Variants in RRAGD observed in about 807,000 individuals in gnomAD.
RRAGD encodes Ras related GTP binding D.
In RRAGD, 12 loss-of-function variants were observed where a neutral mutation model predicts 35.5. That is an observed-to-expected ratio of 0.34 (90% CI 0.22 to 0.55). RRAGD has a LOEUF of 0.55. Among genes scored for constraint, RRAGD ranks in the 20% least tolerant of loss-of-function variants. The probability of loss-of-function intolerance (pLI) is 0.91; values close to 1 mark genes in which losing one functional copy is unlikely to be tolerated. For synonymous variants in RRAGD, 155 were observed against 178.9 expected, an observed-to-expected ratio of 0.87 and a Z score of 1.07; for missense variants, 324 against 490.1, an observed-to-expected ratio of 0.66 and a Z score of 3.20.
chr6:89,372,614 G>A, intron 5 of RRAGD, 29 bp from the exon 6 acceptor site: 1 of 1,502,472 alleles, frequency 6.7e-7, no homozygotes, highest in South Asian at 1.4e-5. Flanking sequence ...CAAAACATGT[G>A]ACCATTGAGA....
chr6:89,364,967 C>CTA lies in RRAGD; in HGVS notation c.*3087_*3088dup, dbSNP rs1318625795. ...TGTACTGCTTAAAGTAAAACATGGA[C>CTA]TATACCTGATTACAAATTACATCCA... On this transcript the variant is annotated 3_prime_UTR_variant, in exon 7 of 7. Coordinates refer to ENST00000369415, the MANE Select transcript of RRAGD (RefSeq NM_021244.5). 2.0e-5 allele frequency: 3 copies of CTA among 152,198 alleles called. No individual in the cohort carries two copies. Among genetic ancestry groups the CTA allele is most frequent in the African/African-American group, 7.2e-5 (3 of 41,450 alleles). The allele number at this position is 152,198 out of a possible 1,614,324, so 9.4% of individuals were successfully genotyped here.
Position 89,411,855 on chromosome 6 carries a change from C to A in RRAGD, c.139G>T (p.Glu47Ter), listed in dbSNP as rs866290845. ...SSDADPDSGTEEGVLDFSDPF... is the reference protein window; with the variant it reads ...SSDADPDSGT ...GGGGCCGGGCGCTCACCTCCCTCCTCTGTGCCGCTGTCCGGATCGGCGTCG... is the reference window on the plus strand; with the variant it reads ...GGGGCCGGGCGCTCACCTCCCTCCTATGTGCCGCTGTCCGGATCGGCGTCG... The change falls in exon 1 of 7, where the codon GAG becomes TAG. Residue 47 changes from glutamate (E) to a stop codon, truncating the protein, a stop_gained. Transcript: ENST00000369415. LOFTEE classifies it high-confidence loss of function. This position sits in a 1 kb window ranked among gnomAD's most constrained non-coding sequence, Gnocchi z 5.6. 1 of 1,552,044 alleles carries A rather than the reference C, an allele frequency of 6.4e-7. No individual in the cohort carries two copies. The highest frequency in any genetic ancestry group is 8.7e-7 in the Non-Finnish European group (1 of 1,151,374).
In RRAGD at chr6:89,364,618, A is replaced by C. The variant is rs1768705991; in HGVS notation, c.*3438T>G. On this transcript the variant is annotated 3_prime_UTR_variant, in exon 7 of 7. Coordinates refer to ENST00000369415, the MANE Select transcript of RRAGD (RefSeq NM_021244.5). ...AAAATGTGGAGATGTAAGAGAGTTTAAAAATAAAAGCATAAATTAAATTTA... is the reference window on the plus strand; with the variant it reads ...AAAATGTGGAGATGTAAGAGAGTTTCAAAATAAAAGCATAAATTAAATTTA... The C allele has an allele frequency of 6.6e-6, 1 of 152,230 alleles. No homozygotes were observed. Among genetic ancestry groups the C allele is most frequent in the Non-Finnish European group, 1.5e-5 (1 of 68,038 alleles). 9.4% of individuals were successfully genotyped at this position (152,230 alleles called of 1,614,324 possible). A position where few individuals can be genotyped will look rare whatever the true frequency, so the allele number is the denominator to read the frequency against.
At position 89,365,768 on chromosome 6, in the gene RRAGD, C is replaced by T. The variant is rs1768731163; in HGVS notation, c.*2288G>A. On this transcript the variant is annotated 3_prime_UTR_variant, in exon 7 of 7. Transcript: ENST00000369415. ...TAACAAAAACCCATCATATACCCAG[C>T]TTAAACATGGAAGCTCCAACCTGGT... 1 of 152,190 alleles carries T rather than the reference C, an allele frequency of 6.6e-6. No individual in the cohort carries two copies. Among genetic ancestry groups the T allele is most frequent in the Non-Finnish European group, 1.5e-5 (1 of 68,026 alleles). The allele number at this position is 152,190 out of a possible 1,614,324, so 9.4% of individuals were successfully genotyped here.
chr6:89,386,227 C>T (rs1239175255), intron 2 of RRAGD, among the ~76,000 whole-genome samples: 2 of 152,194 alleles, frequency 1.3e-5, no homozygotes, highest in Admixed American at 1.3e-4. Flanking sequence ...CTAAGAGCCC[C>T]AGACATGGAT....
chr6:89,411,478 T>G lies in RRAGD; in HGVS notation c.148+368A>C. 4.4e-6 allele frequency: 1 copy of G among 229,070 alleles called. No individual in the cohort carries two copies. Among genetic ancestry groups the G allele is most frequent in the Non-Finnish European group, 8.7e-6 (1 of 114,692 alleles). The allele number at this position is 229,070 out of a possible 1,614,324, so 14.2% of individuals were successfully genotyped here. A position where few individuals can be genotyped will look rare whatever the true frequency, so the allele number is the denominator to read the frequency against. ...CAACAGCACCGTTCTGGGAGAGAGG[T>G]CCCAGGGCGCGCCCGCGGTCCCCTC... On this transcript the variant is annotated intron_variant, in intron 1 of 6. Transcript: ENST00000369415. This position sits in a 1 kb window ranked among gnomAD's most constrained non-coding sequence, Gnocchi z 5.6.
At chr6:89,398,415 C>A (rs530441620) in intron 1 of RRAGD, among the ~76,000 whole-genome samples, 1 of 152,308 alleles carries the variant, frequency 6.6e-6, no homozygotes, top group African/African-American at 2.4e-5. Context: ...GCTCTGCTAT[C>A]ACATCCCAAA....
rs181163108 is a variant in RRAGD, at chr6:89,405,972, G to C, written c.148+5874C>G. On this transcript the variant is annotated intron_variant, in intron 1 of 6. Transcript: ENST00000369415. ...TATGCAAAAATCACGAAGATTCACT[G>C]TCCATTTGATTAACTACTTAGTAAG... Among the ~76,000 whole-genome samples the C allele has an allele frequency of 1.3e-3, 201 of 152,260 alleles. 2 individuals are homozygous for C. The highest frequency in any genetic ancestry group is 4.5e-3 in the African/African-American group (187 of 41,528).
At chr6:89,395,146 C>T (rs983869409) in intron 1 of RRAGD, among the ~76,000 whole-genome samples, 9 of 152,168 alleles carry the variant, frequency 5.9e-5, no homozygotes, top group Non-Finnish European at 1.0e-4. Context: ...GTAGTCACAG[C>T]TACTTGGAAG....
At chr6:89,376,026 T>C (rs1171095030) in intron 5 of RRAGD, among the ~76,000 whole-genome samples, 1 of 152,244 alleles carries the variant, frequency 6.6e-6, no homozygotes, top group Non-Finnish European at 1.5e-5. Flanking sequence ...TTGATTACCA[T>C]GGCAATCTGC....
At position 89,380,385 on chromosome 6, in the gene RRAGD, G is replaced by C. The variant is rs1180507375; in HGVS notation, c.445-18C>G. 2 of 1,609,962 alleles carry C rather than the reference G, an allele frequency of 1.2e-6. No homozygotes were observed. The highest frequency in any genetic ancestry group is 4.5e-5 in the East Asian group (2 of 44,782). On this transcript the variant is annotated intron_variant, in intron 2 of 6. Transcript: ENST00000369415. Reference sequence around the variant, plus strand: ...TAATCATCCTAGGACCAAAGGCAACGCCTGTGAGAGAAGGCCGCTTTGCTT... The same window carrying C: ...TAATCATCCTAGGACCAAAGGCAACCCCTGTGAGAGAAGGCCGCTTTGCTT...
chr6:89,411,925 A>ATCCTCC lies in RRAGD; in HGVS notation c.63_68dup (p.Glu21_Glu22dup), dbSNP rs760147769. 1.8e-5 allele frequency: 27 copies of ATCCTCC among 1,540,412 alleles called. No individual in the cohort carries two copies. The highest frequency in any genetic ancestry group is 5.9e-5 in the Admixed American group (3 of 51,036). ...CGTAGTCCGCTAGCCCCACCAGCTC[A>ATCCTCC]TCCTCCTCCTCCTCCTCCTCCGCGT... On this transcript the variant is annotated inframe_insertion, in exon 1 of 7. Coordinates refer to ENST00000369415, the MANE Select transcript of RRAGD (RefSeq NM_021244.5). This position sits in a 1 kb window ranked among gnomAD's most constrained non-coding sequence, Gnocchi z 5.6.
intron 1 of RRAGD, among the ~76,000 whole-genome samples, chr6:89,393,880 G>A (rs1769283316): frequency 6.6e-6 from 1 of 152,116 alleles, no homozygotes; most frequent in African/African-American, 2.4e-5. Context: ...TTATGAAAAA[G>A]GGGTATATAG....
At position 89,411,800 on chromosome 6, in the gene RRAGD, G is replaced by T. The variant is rs1301937545; in HGVS notation, c.148+46C>A. ...GGGCTGGGGGCGGGAAGGCGCCAAG[G>T]GGAGGAAAGGGGCGCGAGCCGAGGA... On this transcript the variant is annotated intron_variant, in intron 1 of 6. Transcript: ENST00000369415. This position sits in a 1 kb window ranked among gnomAD's most constrained non-coding sequence, Gnocchi z 5.6. 7 of 1,523,152 alleles carry T rather than the reference G, an allele frequency of 4.6e-6. No individual in the cohort carries two copies. The highest frequency in any genetic ancestry group is 2.8e-5 in the African/African-American group (2 of 71,718). The allele number at this position is 1,523,152 out of a possible 1,614,324, so 94.4% of individuals were successfully genotyped here. A position where few individuals can be genotyped will look rare whatever the true frequency, so the allele number is the denominator to read the frequency against.
intron 1 of RRAGD, among the ~76,000 whole-genome samples, chr6:89,400,743 C>T (rs544562552): frequency 6.6e-6 from 1 of 152,258 alleles, no homozygotes; most frequent in African/African-American, 2.4e-5. Context: ...GCTTTCTCCA[C>T]CAACACCTCC....
chr6:89,389,957 T>C (rs1243829520), intron 1 of RRAGD, among the ~76,000 whole-genome samples: 13 of 152,238 alleles, frequency 8.5e-5, no homozygotes, highest in Admixed American at 8.5e-4. Context: ...CAAATGGTGC[T>C]GGGCCAACTG....
chr6:89,373,132 A>C (rs1391537968), intron 5 of RRAGD, among the ~76,000 whole-genome samples: 1 of 152,214 alleles, frequency 6.6e-6, no homozygotes, highest in Non-Finnish European at 1.5e-5. Context: ...AACTGGTTCA[A>C]TTTACTCTCA....
rs1768748085 is a variant in RRAGD, at chr6:89,366,461, G to A, written c.*1595C>T. ...GTGGAAGGATCCCTTGAGCCCAAGA[G>A]GTAACAGTGAGCTATGATTGTACCA... On this transcript the variant is annotated 3_prime_UTR_variant, in exon 7 of 7. Coordinates refer to ENST00000369415, the MANE Select transcript of RRAGD (RefSeq NM_021244.5). 6.6e-6 allele frequency: 1 copy of A among 150,678 alleles called. No individual in the cohort carries two copies. Among genetic ancestry groups the A allele is most frequent in the Non-Finnish European group, 1.5e-5 (1 of 67,936 alleles). The allele number at this position is 150,678 out of a possible 1,614,324, so 9.3% of individuals were successfully genotyped here.
chr6:89,400,006 C>T (rs925207764), intron 1 of RRAGD, among the ~76,000 whole-genome samples: 15 of 152,142 alleles, frequency 9.9e-5, no homozygotes, highest in African/African-American at 3.6e-4. Flanking sequence ...GGTCATATGA[C>T]TGGTATTGGT....
Sources: gnomAD v4.1 joint callset for allele counts (sites outside exome capture counted in the v4.1 genomes callset) on GRCh38, gnomAD v4.1.1 for gene constraint, Gnocchi (gnomAD v3.1) non-coding constraint, MANE v1.5 for transcripts, NCBI Gene and HGNC (gene_info 2026-07-23, HGNC 2026-07-21) for gene names.